The following EPS8 variants were observed in gnomAD, a reference collection of about 807,000 sequenced individuals.
The protein encoded by EPS8 is EGFR pathway substrate 8, signaling adaptor.
A neutral mutation model predicts 103.8 loss-of-function variants in EPS8; 42 were observed. The observed-to-expected ratio is 0.40, with a 90% confidence interval of 0.32 to 0.52. The LOEUF (loss-of-function observed/expected upper bound fraction) is 0.52. Among genes scored for constraint, EPS8 ranks in the 20% least tolerant of loss-of-function variants. The pLI is 0.40. For missense variants in EPS8, 969 were observed against 1,005.1 expected (o/e 0.96, Z 0.49); for synonymous variants, 344 against 344.6 (o/e 1.00, Z 0.02).
rs1946545952 is a variant in EPS8 at position 15,717,516 on chromosome 12, G to A, written c.-21-34544C>T. The stretch of plus-strand genomic sequence containing the variant: ...GCAGCAGAATTGCTTAAGCCCCGGA[G>A]GCAGAGGTTGCAGTCAGCCGAGATC... On this transcript the variant is annotated intron_variant, in intron 1 of 20. Transcript: ENST00000281172. This position sits in a 1 kb window ranked among gnomAD's most constrained non-coding sequence, Gnocchi z 4.3. 6.6e-6 allele frequency among the ~76,000 whole-genome samples: 1 copy of A among 152,140 alleles called. No individual in the cohort carries two copies. The highest frequency in any genetic ancestry group is 1.5e-5 in the Non-Finnish European group (1 of 68,034).
chr12:15,719,516 A>G (rs1277713403), intron 1 of EPS8, among the ~76,000 whole-genome samples: 1 of 152,228 alleles, frequency 6.6e-6, no homozygotes, highest in African/African-American at 2.4e-5. Context: ...ATGCAGTCAT[A>G]TAAAGAGAAG....
intron 3 of EPS8, among the ~76,000 whole-genome samples, chr12:15,679,957 T>G (rs989905755): frequency 2.6e-5 from 4 of 152,208 alleles, no homozygotes; most frequent in African/African-American, 9.6e-5. Context: ...TTTAAGTCCC[T>G]TAAAGTCAGG....
rs1003567438 is a variant in EPS8, at chr12:15,714,873, C to T, written c.-21-31901G>A. Among the ~76,000 whole-genome samples the T allele has an allele frequency of 6.6e-6, 1 of 152,094 alleles. No homozygotes were observed. Among genetic ancestry groups the T allele is most frequent in the African/African-American group, 2.4e-5 (1 of 41,410 alleles). ...TCAGAAGTCAATTGCCTGGCAGAAC[C>T]TATTCTACATCCACTTTTGTTCTCT... On this transcript the variant is annotated intron_variant, in intron 1 of 20. Coordinates refer to ENST00000281172, the MANE Select transcript of EPS8 (RefSeq NM_004447.6). This position sits in a 1 kb window ranked among gnomAD's most constrained non-coding sequence, Gnocchi z 4.1.
chr12:15,660,427 C>T (rs1945585155), intron 10 of EPS8, among the ~76,000 whole-genome samples, 187 bp downstream of exon 10: 1 of 152,102 alleles, frequency 6.6e-6, no homozygotes, highest in Non-Finnish European at 1.5e-5. Flanking sequence ...CCATGCCCGG[C>T]TAATTTTTGT....
At position 15,779,247 on chromosome 12, in the gene EPS8, G is replaced by A. The variant is rs1466300241; in HGVS notation, c.-22+9914C>T. ...CCTGCCTCGGCTTCCCAAAATGCTG[G>A]GATTACAGGCGTGAGCCACCTTGCC... On this transcript the variant is annotated intron_variant, in intron 1 of 20. Transcript: ENST00000281172. This position sits in a 1 kb window ranked among gnomAD's most constrained non-coding sequence, Gnocchi z 4.3. Among the ~76,000 whole-genome samples, 1 of 152,114 alleles carries A rather than the reference G, an allele frequency of 6.6e-6. No individual in the cohort carries two copies. The highest frequency in any genetic ancestry group is 1.5e-5 in the Non-Finnish European group (1 of 68,024).
rs553358193 is a variant in EPS8, at chr12:15,697,030, G to C, written c.-21-14058C>G. Among the ~76,000 whole-genome samples, 1 of 152,124 alleles carries C rather than the reference G, an allele frequency of 6.6e-6. No homozygotes were observed. The highest frequency in any genetic ancestry group is 1.5e-5 in the Non-Finnish European group (1 of 68,028). On this transcript the variant is annotated intron_variant, in intron 1 of 20. Transcript: ENST00000281172. The surrounding 1 kb of genome is among the most constrained non-coding windows in gnomAD (Gnocchi z 5.6). Reference sequence around the variant, plus strand: ...GAGGAGATTTGAAGAGGGAATTATCGTAAGGCCAGCATTTGCATTTCTTTC... The same window carrying C: ...GAGGAGATTTGAAGAGGGAATTATCCTAAGGCCAGCATTTGCATTTCTTTC...
In EPS8 at chr12:15,781,966, T is replaced by TA. The variant is rs1416573001; in HGVS notation, c.-22+7194dup. ...ATTCATGAATGGATCAATCACTTCT[T>TA]AAAGGCCTCACCTCTCAACACTCTC... On this transcript the variant is annotated intron_variant, in intron 1 of 20. Coordinates refer to ENST00000281172, the MANE Select transcript of EPS8 (RefSeq NM_004447.6). The surrounding 1 kb of genome is among the most constrained non-coding windows in gnomAD (Gnocchi z 4.1). The TA allele has an allele frequency of 6.6e-6, 1 of 152,154 alleles. No homozygotes were observed. Among genetic ancestry groups the TA allele is most frequent in the African/African-American group, 2.4e-5 (1 of 41,438 alleles). The allele number at this position is 152,154 out of a possible 1,614,324, so 9.4% of individuals were successfully genotyped here.
chr12:15,746,482 A>T (rs1455814972), intron 1 of EPS8, among the ~76,000 whole-genome samples: 2 of 152,104 alleles, frequency 1.3e-5, no homozygotes, highest in Non-Finnish European at 2.9e-5. Context: ...AATGAGCTTA[A>T]CTGGTCTTCC....
intron 13 of EPS8, among the ~76,000 whole-genome samples, chr12:15,653,798 C>T (rs144670741): frequency 1.6e-3 from 238 of 151,840 alleles, no homozygotes; most frequent in Middle Eastern, 3.4e-3. Context: ...AAGCACTGTG[C>T]GCGCGCGCGC....
At position 15,759,720 on chromosome 12, in the gene EPS8, T is replaced by A. The variant is rs1269008132; in HGVS notation, c.-22+29441A>T. On this transcript the variant is annotated intron_variant, in intron 1 of 20. Transcript: ENST00000281172. The surrounding 1 kb of genome is among the most constrained non-coding windows in gnomAD (Gnocchi z 4.9). ...AAACAATATGCTCACGAATGACCACTGGGTCAATGAAGAAACTAAGAAGGA... is the reference window on the plus strand; with the variant it reads ...AAACAATATGCTCACGAATGACCACAGGGTCAATGAAGAAACTAAGAAGGA... Among the ~76,000 whole-genome samples the A allele has an allele frequency of 6.6e-6, 1 of 152,018 alleles. No individual in the cohort carries two copies.
rs181115327 is a variant in EPS8, at chr12:15,668,104, T to C, written c.516+1283A>G. ...TTAAAGCAAAATATTCCCTTTAATA[T>C]TTATTGACTGAATATATCTAACCTT... On this transcript the variant is annotated intron_variant, in intron 6 of 20. Coordinates refer to ENST00000281172, the MANE Select transcript of EPS8 (RefSeq NM_004447.6). Among the ~76,000 whole-genome samples the C allele has an allele frequency of 5.7e-4, 87 of 152,312 alleles. 1 individual carries two copies. Among genetic ancestry groups the C allele is most frequent in the African/African-American group, 2.0e-3 (83 of 41,584 alleles).
Position 15,641,813 on chromosome 12 carries a change from T to C in EPS8, c.1586A>G (p.Lys529Arg). 6.3e-7 allele frequency: 1 copy of C among 1,576,748 alleles called. No homozygotes were observed. The highest frequency in any genetic ancestry group is 8.7e-7 in the Non-Finnish European group (1 of 1,154,084). The change falls in exon 16 of 21, where the codon AAA becomes AGA. Residue 529 changes from lysine to arginine, a missense_variant. By Grantham distance (26) the Lys-to-Arg change is conservative. Transcript: ENST00000281172. ...TTTGGCATATTTCTTGGGTTGTGTT[T>C]TGAGTGGTTCATAATTTCTATAAAA... ...RHIDRNYEPL[K>R]TQPKKYAKSK...
chr12:15,692,546 T>C (rs1289422307), intron 1 of EPS8, among the ~76,000 whole-genome samples: 1 of 152,090 alleles, frequency 6.6e-6, no homozygotes, highest in Non-Finnish European at 1.5e-5. Flanking sequence ...ATTCAGCATA[T>C]TGGAAACACA....
In EPS8 at chr12:15,751,186, T is replaced by C. The variant is rs546658476; in HGVS notation, c.-22+37975A>G. Among the ~76,000 whole-genome samples the C allele has an allele frequency of 5.1e-4, 77 of 152,162 alleles. No individual in the cohort carries two copies. In the South Asian group the frequency reaches 8.3e-3, roughly 16 times the overall value. The stretch of plus-strand genomic sequence containing the variant: ...CAGCCAGGCCAACATAGTGAAACTC[T>C]GTCTCTACTAAAAATATAAAAATTA... On this transcript the variant is annotated intron_variant, in intron 1 of 20. Coordinates refer to ENST00000281172, the MANE Select transcript of EPS8 (RefSeq NM_004447.6). This position sits in a 1 kb window ranked among gnomAD's most constrained non-coding sequence, Gnocchi z 4.3.
Position 15,741,401 on chromosome 12 carries a change from C to T in EPS8, c.-22+47760G>A, listed in dbSNP as rs77337757. The stretch of plus-strand genomic sequence containing the variant: ...TGGGTGACTCAGTGGGGTCCTCTTG[C>T]CCACCCCCAATTCAGGTACCAAGCG... On this transcript the variant is annotated intron_variant, in intron 1 of 20. Transcript: ENST00000281172. Among the ~76,000 whole-genome samples the T allele has an allele frequency of 8.0e-3, 1,217 of 152,170 alleles. 17 individuals carry two copies. Among genetic ancestry groups the T allele is most frequent in the African/African-American group, 0.027 (1,136 of 41,524 alleles).
intron 15 of EPS8, among the ~76,000 whole-genome samples, 186 bp downstream of exon 15, chr12:15,646,941 C>A (rs896712873): frequency 2.6e-5 from 4 of 152,180 alleles, no homozygotes; most frequent in African/African-American, 9.7e-5. Context: ...GAATTACAGA[C>A]TGAAGGTCCA....
chr12:15,644,977 C>T (rs1403240953), intron 15 of EPS8, among the ~76,000 whole-genome samples: 1 of 152,060 alleles, frequency 6.6e-6, no homozygotes, highest in Non-Finnish European at 1.5e-5. Context: ...ATAAGAACAA[C>T]TGAGATATAA....
chr12:15,661,236 G>A (rs937271734), intron 9 of EPS8, among the ~76,000 whole-genome samples: 1 of 152,108 alleles, frequency 6.6e-6, no homozygotes, highest in African/African-American at 2.4e-5. Flanking sequence ...AATGCACCAT[G>A]CTTTCAGAGA....
At position 15,766,639 on chromosome 12, in the gene EPS8, T is replaced by C. The variant is rs539627607; in HGVS notation, c.-22+22522A>G. Among the ~76,000 whole-genome samples the C allele has an allele frequency of 2.7e-4, 41 of 151,110 alleles. 1 individual carries two copies. In the South Asian group the frequency reaches 7.9e-3, roughly 29 times the overall value. On this transcript the variant is annotated intron_variant, in intron 1 of 20. Coordinates refer to ENST00000281172, the MANE Select transcript of EPS8 (RefSeq NM_004447.6). The stretch of plus-strand genomic sequence containing the variant: ...GTTGCAGTGAGCAGAGATCGTGCCA[T>C]TGCACTCCAGCCTGGGCAACAAGAG...
Sources: gnomAD v4.1 joint callset for allele counts (sites outside exome capture counted in the v4.1 genomes callset) on GRCh38, gnomAD v4.1.1 for gene constraint, Gnocchi (gnomAD v3.1) non-coding constraint, MANE v1.5 for transcripts, NCBI Gene and HGNC (gene_info 2026-07-23, HGNC 2026-07-21) for gene names.